TP63: variants seen among roughly 807,000 people sequenced by gnomAD.
TP63 encodes tumor protein 63.
A neutral mutation model predicts 82.8 loss-of-function variants in TP63; 17 were observed. The observed-to-expected ratio is 0.21, with a 90% confidence interval of 0.14 to 0.31. The LOEUF (loss-of-function observed/expected upper bound fraction) is 0.31. Among genes scored for constraint, TP63 ranks in the 10% least tolerant of loss-of-function variants. The pLI is 1.00. For missense variants in TP63, 648 were observed against 895.3 expected (o/e 0.72, Z 3.52); for synonymous variants, 330 against 321.7 (o/e 1.03, Z -0.28).
chr3:189,678,327 A>G (rs924415542), intron 1 of TP63, among the ~76,000 whole-genome samples: 10 of 152,086 alleles, frequency 6.6e-5, no homozygotes, highest in African/African-American at 1.9e-4. Flanking sequence ...CAATTTTCTC[A>G]GCACCATTTA....
the TP63 span, among the ~76,000 whole-genome samples, chr3:189,603,746 G>A: frequency 7.1e-6 from 1 of 140,564 alleles, no homozygotes; most frequent in Non-Finnish European, 1.5e-5. Flanking sequence ...CACCTATATA[G>A]TTTTACCTTT....
chr3:189,861,986 G>A (rs1330590970), intron 4 of TP63, among the ~76,000 whole-genome samples: 4 of 152,110 alleles, frequency 2.6e-5, no homozygotes, highest in Non-Finnish European at 4.4e-5. Flanking sequence ...TCAGAAGTTG[G>A]TTCAGTTTTA....
At position 189,817,626 on chromosome 3, in the gene TP63, T is replaced by A. The variant is rs114070516; in HGVS notation, c.579+9100T>A. ...GCTTGAATCTGTATCATAACGATGCTTACAATTCAGGCAGTTTTCTGAGGT... is the reference window on the plus strand; with the variant it reads ...GCTTGAATCTGTATCATAACGATGCATACAATTCAGGCAGTTTTCTGAGGT... On this transcript the variant is annotated intron_variant, in intron 4 of 13. Transcript: ENST00000264731. Among the ~76,000 whole-genome samples, 1,231 of 152,236 alleles carry A rather than the reference T, an allele frequency of 8.1e-3. 9 individuals are homozygous for A. The highest frequency in any genetic ancestry group is 0.013 in the Admixed American group (193 of 15,288).
At chr3:189,618,168 C>T in the TP63 span, among the ~76,000 whole-genome samples, 132 of 152,286 alleles carry the variant, frequency 8.7e-4, no homozygotes, top group African/African-American at 2.9e-3. Context: ...ATGTTTCTGA[C>T]GTGCCTGGCT....
intron 3 of TP63, among the ~76,000 whole-genome samples, chr3:189,775,123 G>C (rs547141199): frequency 6.6e-6 from 1 of 151,562 alleles, no homozygotes; most frequent in South Asian, 2.1e-4. Context: ...GGGAGGCTGA[G>C]GCAGGAGAAT....
intron 3 of TP63, chr3:189,739,044 AT>A: frequency 2.0e-6 from 1 of 504,508 alleles, no homozygotes; most frequent in Non-Finnish European, 3.6e-6. Flanking sequence ...GTCAACCCCA[AT>A]TTAGAAAAGA....
chr3:189,763,774 G>A lies in TP63; in HGVS notation c.324+25000G>A, dbSNP rs762017094. Among the ~76,000 whole-genome samples, 10 of 152,124 alleles carry A rather than the reference G, an allele frequency of 6.6e-5. 1 individual carries two copies. The highest frequency in any genetic ancestry group is 1.5e-4 in the Non-Finnish European group (10 of 68,018). ...AGAGCTAAAAAATACTTGACTCATC[G>A]GAAGTATTTAAATTAATTTTTAAAA... On this transcript the variant is annotated intron_variant, in intron 3 of 13. Coordinates refer to ENST00000264731, the MANE Select transcript of TP63 (RefSeq NM_003722.5).
rs149388292 is a variant in TP63, at chr3:189,825,209, A to T, written c.579+16683A>T. Among the ~76,000 whole-genome samples the T allele has an allele frequency of 7.4e-3, 1,132 of 152,316 alleles. 21 individuals are homozygous for T. Among genetic ancestry groups the T allele is most frequent in the African/African-American group, 0.026 (1,093 of 41,560 alleles). On this transcript the variant is annotated intron_variant, in intron 4 of 13. Transcript: ENST00000264731. ...GCCTGTTCAAACATGTCTAATTTTT[A>T]AAATGATTTATAAAGTTTTGGAGGA... is the stretch of plus-strand genomic sequence containing the variant.
chr3:189,597,649 G>C, the TP63 span, among the ~76,000 whole-genome samples: 4 of 152,190 alleles, frequency 2.6e-5, no homozygotes, highest in Non-Finnish European at 5.9e-5. Flanking sequence ...AATTGGCCTG[G>C]TGCGGTGGCT....
chr3:189,721,152 G>T (rs1045375879), intron 1 of TP63, among the ~76,000 whole-genome samples: 10 of 152,214 alleles, frequency 6.6e-5, no homozygotes, highest in Admixed American at 4.6e-4. Flanking sequence ...AGTCTTTGCA[G>T]CAGTAGTTAT....
chr3:189,655,757 A>G (rs1024657669), intron 1 of TP63, among the ~76,000 whole-genome samples: 13 of 152,226 alleles, frequency 8.5e-5, no homozygotes, highest in African/African-American at 3.1e-4. Flanking sequence ...TGTGTAGACT[A>G]TCTATCTTAA....
At chr3:189,857,669 A>G (rs1716455874) in intron 4 of TP63, among the ~76,000 whole-genome samples, 1 of 152,202 alleles carries the variant, frequency 6.6e-6, no homozygotes, top group Non-Finnish European at 1.5e-5. Flanking sequence ...AAATTACCCC[A>G]AATCGCCAAA....
chr3:189,891,692 G>C (rs1721031620), intron 13 of TP63, among the ~76,000 whole-genome samples: 1 of 152,104 alleles, frequency 6.6e-6, no homozygotes, highest in Non-Finnish European at 1.5e-5. Context: ...ACTTTTTCTT[G>C]CTTCCTACTC....
chr3:189,683,223 A>G (rs1414665910), intron 1 of TP63, among the ~76,000 whole-genome samples: 1 of 152,222 alleles, frequency 6.6e-6, no homozygotes, highest in Non-Finnish European at 1.5e-5. Flanking sequence ...TGTGCAAGGT[A>G]CTGTAGTAAG....
chr3:189,701,545 A>ATATG (rs1414317686), intron 1 of TP63, among the ~76,000 whole-genome samples: 1 of 141,838 alleles, frequency 7.1e-6, no homozygotes, highest in African/African-American at 2.6e-5. Context: ...ATATATATAT[A>ATATG]TGTAATTTTA....
chr3:189,725,476 A>C (rs1343499710), intron 1 of TP63, among the ~76,000 whole-genome samples: 1 of 152,250 alleles, frequency 6.6e-6, no homozygotes, highest in Non-Finnish European at 1.5e-5. Flanking sequence ...TTATGCCACC[A>C]AAACTTAATA....
rs550405207 is a variant in TP63, at chr3:189,773,693, A to G, written c.325-34579A>G. Among the ~76,000 whole-genome samples, 74 of 152,244 alleles carry G rather than the reference A, an allele frequency of 4.9e-4. 1 individual carries two copies. Among genetic ancestry groups the G allele is most frequent in the African/African-American group, 1.7e-3 (69 of 41,554 alleles). ...ATATAAATACCCAGTGACCTTACAA[A>G]TATTGTTTAATCATCCTCTCCATCA... is the stretch of plus-strand genomic sequence containing the variant. On this transcript the variant is annotated intron_variant, in intron 3 of 13. Coordinates refer to ENST00000264731, the MANE Select transcript of TP63 (RefSeq NM_003722.5).
intron 1 of TP63, among the ~76,000 whole-genome samples, chr3:189,719,364 C>T (rs995264178): frequency 6.6e-6 from 1 of 152,104 alleles, no homozygotes; most frequent in Non-Finnish European, 1.5e-5. Flanking sequence ...GCTCAGTTGG[C>T]TCTCCTTGAT....
chr3:189,614,294 G>C, the TP63 span, among the ~76,000 whole-genome samples: 1 of 152,108 alleles, frequency 6.6e-6, no homozygotes, highest in African/African-American at 2.4e-5. Flanking sequence ...ATTTGTCAAG[G>C]GTTTTTGCTT....
Sources: gnomAD v4.1 joint callset for allele counts (sites outside exome capture counted in the v4.1 genomes callset) on GRCh38, gnomAD v4.1.1 for gene constraint, MANE v1.5 for transcripts, NCBI Gene and HGNC (gene_info 2026-07-23, HGNC 2026-07-21) for gene names.